The following UGT1A3 variants were observed in gnomAD, a reference collection of about 807,000 sequenced individuals.
UGT1A3 encodes UDP-glucuronosyltransferase 1A3.
A neutral mutation model predicts 41.0 loss-of-function variants in UGT1A3; 31 were observed. The observed-to-expected ratio is 0.76, with a 90% confidence interval of 0.57 to 1.02. UGT1A3 has a LOEUF of 1.02. Ranked by LOEUF, UGT1A3 falls within the 50% of genes least tolerant of loss-of-function variation. The probability of loss-of-function intolerance (pLI) is 0.00; values close to 1 mark genes in which losing one functional copy is unlikely to be tolerated. For missense variants in UGT1A3, 737 were observed against 671.0 expected (o/e 1.10, Z -1.09); for synonymous variants, 262 against 257.6 (o/e 1.02, Z -0.17).
At chr2:233,768,188 A>G in intron 3 of UGT1A3, 32 bp from the exon 4 acceptor site, 1 of 1,614,062 alleles carries the variant, frequency 6.2e-7, no homozygotes, top group Non-Finnish European at 8.5e-7. Context: ...CAGAGATGTA[A>G]CTGCTGACAT....
At chr2:233,736,459 C>T (rs1461778368) in intron 1 of UGT1A3, among the ~76,000 whole-genome samples, 1 of 152,202 alleles carries the variant, frequency 6.6e-6, no homozygotes, top group African/African-American at 2.4e-5. Flanking sequence ...TTCGAACATG[C>T]ACTTTTAGCT....
At chr2:233,746,652 G>C (rs889917694) in intron 1 of UGT1A3, among the ~76,000 whole-genome samples, 17 of 151,768 alleles carry the variant, frequency 1.1e-4, no homozygotes, top group African/African-American at 3.7e-4. Context: ...TTGGCTTTCT[G>C]TCCCGAGTTC....
In UGT1A3 at chr2:233,756,630, T is replaced by C. The variant is rs563087338; in HGVS notation, c.868-10404T>C. On this transcript the variant is annotated intron_variant, in intron 1 of 4. Transcript: ENST00000482026. ...CATTAAGACTTGCAGGCCGTGTGTA[T>C]AGCACTGGGGATAAACATGGGATGC... Among the ~76,000 whole-genome samples the C allele has an allele frequency of 2.1e-3, 314 of 152,296 alleles. 12 individuals carry two copies. In the South Asian group the frequency reaches 0.063, roughly 31 times the overall value.
At chr2:233,753,630 C>T (rs897661378) in intron 1 of UGT1A3, 6 of 152,296 alleles carry the variant, frequency 3.9e-5, no homozygotes, top group Middle Eastern at 3.4e-3. Flanking sequence ...GGGCATAACC[C>T]GTGCCAACAC....
intron 1 of UGT1A3, among the ~76,000 whole-genome samples, chr2:233,751,848 C>G (rs1317042286): frequency 6.6e-6 from 1 of 152,136 alleles, no homozygotes. Context: ...GTCATTTAAA[C>G]CTTTGTCTTT....
chr2:233,750,918 A>G (rs1308171109), intron 1 of UGT1A3, among the ~76,000 whole-genome samples: 1 of 151,874 alleles, frequency 6.6e-6, no homozygotes, highest in Admixed American at 6.5e-5. Context: ...AGGGTGGTAA[A>G]GAAATGTGAG....
chr2:233,756,076 G>T (rs915859102), intron 1 of UGT1A3: 19 of 152,212 alleles, frequency 1.2e-4, no homozygotes, highest in African/African-American at 2.4e-5. Flanking sequence ...GAATGACAAT[G>T]AGAAAATCAA....
intron 1 of UGT1A3, among the ~76,000 whole-genome samples, chr2:233,756,964 A>T (rs1482766015): frequency 6.6e-6 from 1 of 152,056 alleles, no homozygotes; most frequent in African/African-American, 2.4e-5. Flanking sequence ...GGCACTTGGT[A>T]AGCACGCAAT....
chr2:233,747,183 G>A (rs1016025766), intron 1 of UGT1A3: 1 of 1,602,336 alleles, frequency 6.2e-7, no homozygotes, highest in South Asian at 1.1e-5. Flanking sequence ...AGCGTGGGGT[G>A]GACAGTCAGC....
chr2:233,758,819 C>G (rs577329711), intron 1 of UGT1A3, among the ~76,000 whole-genome samples: 1 of 152,190 alleles, frequency 6.6e-6, no homozygotes, highest in African/African-American at 2.4e-5. Flanking sequence ...AGCAGTATAT[C>G]CCCCCCAAAA....
intron 1 of UGT1A3, among the ~76,000 whole-genome samples, chr2:233,757,540 A>ATATACATATACT (rs1559403688): frequency 8.6e-6 from 1 of 116,538 alleles, no homozygotes; most frequent in Admixed American, 8.4e-5. Flanking sequence ...TAAGGAATAT[A>ATATACATATACT]TATATATATA....
At position 233,764,985 on chromosome 2, in the gene UGT1A3, G is replaced by A. The variant is rs952012916; in HGVS notation, c.868-2049G>A. On this transcript the variant is annotated intron_variant, in intron 1 of 4. Coordinates refer to ENST00000482026, the MANE Select transcript of UGT1A3 (RefSeq NM_019093.4). ...TTGGGAGAAGGATGGTCAGTGTCTG[G>A]GGCTTTCCTGGTCATGTTCCAAATC... Among the ~76,000 whole-genome samples, 3 of 152,196 alleles carry A rather than the reference G, an allele frequency of 2.0e-5. No homozygotes were observed. In the South Asian group the frequency reaches 6.2e-4, roughly 32 times the overall value.
Position 233,768,253 on chromosome 2 carries a change from C to G in UGT1A3, c.1121C>G (p.Ala374Gly). ...HPMTRAFITH[A>G]GSHGVYESIC... ...ATGACCCGTGCCTTTATCACCCATG[C>G]TGGTTCCCATGGTGTTTATGAAAGC... The change falls in exon 4 of 5, where the codon GCT becomes GGT. Residue 374 changes from alanine (A) to glycine (G), a missense_variant. Transcript: ENST00000482026. 6.2e-7 allele frequency: 1 copy of G among 1,614,206 alleles called. No homozygotes were observed. Among genetic ancestry groups the G allele is most frequent in the Non-Finnish European group, 8.5e-7 (1 of 1,180,038 alleles).
At position 233,772,370 on chromosome 2, in the gene UGT1A3, G is replaced by A. The variant is rs587784537; in HGVS notation, c.1416G>A (p.Ala472=). The A allele has an allele frequency of 2.5e-6, 4 of 1,614,248 alleles. No homozygotes were observed. The highest frequency in any genetic ancestry group is 1.6e-4 in the Middle Eastern group (1 of 6,062). ...WVEFVMRHKG[A]PHLRPAAHDL... The stretch of plus-strand genomic sequence containing the variant: ...AGTTTGTGATGAGGCACAAGGGCGC[G>A]CCACACCTGCGCCCCGCAGCCCACG... Residue 472 remains alanine, a synonymous_variant, in exon 5 of 5, where the codon GCG becomes GCA. Transcript: ENST00000482026.
chr2:233,762,063 T>A (rs1697956062), intron 1 of UGT1A3, among the ~76,000 whole-genome samples: 1 of 152,180 alleles, frequency 6.6e-6, no homozygotes, highest in Non-Finnish European at 1.5e-5. Flanking sequence ...TCATAGCACA[T>A]CAAATATGGC....
intron 1 of UGT1A3, chr2:233,748,023 C>T: frequency 6.2e-7 from 1 of 1,613,520 alleles, no homozygotes; most frequent in Non-Finnish European, 8.5e-7. Context: ...GCCGATCATG[C>T]CCAACATGGT....
At chr2:233,756,685 A>C (rs948825401) in intron 1 of UGT1A3, among the ~76,000 whole-genome samples, 1 of 152,128 alleles carries the variant, frequency 6.6e-6, no homozygotes, top group Non-Finnish European at 1.5e-5. Flanking sequence ...ACTGCTATAT[A>C]ATGACGATGA....
intron 1 of UGT1A3, chr2:233,755,041 A>T (rs1695713138): frequency 2.3e-6 from 3 of 1,323,402 alleles, no homozygotes; most frequent in African/African-American, 1.5e-5. Flanking sequence ...CCGCCTGCGC[A>T]GCCGCCCTCC....
chr2:233,754,587 G>A (rs1339334824), intron 1 of UGT1A3: 1 of 428,154 alleles, frequency 2.3e-6, no homozygotes, highest in Non-Finnish European at 4.7e-6. Flanking sequence ...CGTTTATTAT[G>A]AAGGACTTTA....
Sources: allele counts gnomAD v4.1 joint callset (sites outside exome capture counted in the v4.1 genomes callset), GRCh38; gene constraint gnomAD v4.1.1; transcripts MANE v1.5; gene names NCBI Gene and HGNC (gene_info 2026-07-23, HGNC 2026-07-21).